ZNF488: variants seen among roughly 807,000 people sequenced by gnomAD.
ZNF488 encodes zinc finger protein 488.
ZNF488 carries 1 observed loss-of-function variant against 1.2 expected under a neutral mutation model. The observed-to-expected ratio is 0.86, with a 90% CI of 0.30 to 4.07. ZNF488 has a LOEUF of 4.07. Ranked by LOEUF, ZNF488 falls within the 30% of genes most tolerant of loss-of-function variation. The pLI, the probability that ZNF488 is intolerant of heterozygous loss-of-function variation, is 0.18. For synonymous variants in ZNF488, 185 were observed against 190.1 expected, an observed-to-expected ratio of 0.97 and a Z score of 0.22; for missense variants, 450 against 437.9, an observed-to-expected ratio of 1.03 and a Z score of -0.25.
intron 1 of ZNF488, among the ~76,000 whole-genome samples, chr10:47,372,890 G>T (rs1339975006): frequency 6.6e-6 from 1 of 152,214 alleles, no homozygotes; most frequent in African/African-American, 2.4e-5. Context: ...CCTCATGTGT[G>T]TCCAGAGCTC....
In ZNF488 at chr10:47,367,018, G is replaced by A. The variant is rs1555212879; in HGVS notation, c.*789C>T. ...TTGGGCCTGGTCCTGCCACTTGTAT[G>A]GGCTGAGAGGACATTGGCAATGTGA... On this transcript the variant is annotated 3_prime_UTR_variant, in exon 2 of 2. Coordinates refer to ENST00000585316, the MANE Select transcript of ZNF488 (RefSeq NM_153034.4). The A allele has an allele frequency of 6.0e-6, 1 of 167,036 alleles. No individual in the cohort carries two copies. The allele number at this position is 167,036 out of a possible 1,614,324, so 10.3% of individuals were successfully genotyped here.
In ZNF488 at chr10:47,382,776, C is replaced by T. The variant is rs571366362; in HGVS notation, c.-109+1444G>A. ...TGTTTAATTCTGTGTGATTTATCTA[C>T]GGCCAAATTTCCATTTCTGTATCAA... On this transcript the variant is annotated intron_variant, in intron 1 of 1. Transcript: ENST00000585316. 2.0e-4 allele frequency among the ~76,000 whole-genome samples: 30 copies of T among 152,272 alleles called. 2 individuals are homozygous for T. The East Asian group carries it at 4.2e-3, about 22-fold the overall frequency.
chr10:47,375,320 C>T (rs573097098), intron 1 of ZNF488, among the ~76,000 whole-genome samples: 16 of 152,254 alleles, frequency 1.1e-4, no homozygotes, highest in African/African-American at 2.2e-4. Context: ...CCATTGCCTA[C>T]GCTGTGGACG....
chr10:47,383,069 C>T (rs1555215740), intron 1 of ZNF488, among the ~76,000 whole-genome samples: 1 of 152,070 alleles, frequency 6.6e-6, no homozygotes, highest in African/African-American at 2.4e-5. Flanking sequence ...AAAAAATTGC[C>T]TCGATATAGT....
chr10:47,376,039 G>A (rs553532776), intron 1 of ZNF488, among the ~76,000 whole-genome samples: 1 of 152,332 alleles, frequency 6.6e-6, no homozygotes, highest in South Asian at 2.1e-4. Flanking sequence ...TATCTCTTAG[G>A]GGAGACAGTC....
In ZNF488 at chr10:47,367,676, C is replaced by G; in HGVS notation, c.*131G>C. ...GTGGCTTTTTCAAATTATGCCTGAG[C>G]TGTTTATCTATGAATGCCAAAAGCA... On this transcript the variant is annotated 3_prime_UTR_variant, in exon 2 of 2. Coordinates refer to ENST00000585316, the MANE Select transcript of ZNF488 (RefSeq NM_153034.4). The G allele has an allele frequency of 9.9e-7, 1 of 1,006,720 alleles. No homozygotes were observed. Among genetic ancestry groups the G allele is most frequent in the East Asian group, 2.5e-5 (1 of 39,352 alleles). The allele number at this position is 1,006,720 out of a possible 1,614,324, so 62.4% of individuals were successfully genotyped here. A position where few individuals can be genotyped will look rare whatever the true frequency, so the allele number is the denominator to read the frequency against.
chr10:47,370,288 C>A lies in ZNF488; in HGVS notation c.-108-1351G>T, dbSNP rs193282978. ...AGCTGTAGCAGAAGGGTATGCTTTG[C>A]TTTCCAACTCTGATGTAAAATCAAA... On this transcript the variant is annotated intron_variant, in intron 1 of 1. Transcript: ENST00000585316. Among the ~76,000 whole-genome samples the A allele has an allele frequency of 9.6e-4, 147 of 152,376 alleles. 3 individuals are homozygous for A. Among genetic ancestry groups the A allele is most frequent in the Non-Finnish European group, 1.6e-4 (11 of 68,036 alleles).
chr10:47,375,908 A>G (rs1304382478), intron 1 of ZNF488, among the ~76,000 whole-genome samples: 1 of 152,212 alleles, frequency 6.6e-6, no homozygotes, highest in African/African-American at 2.4e-5. Flanking sequence ...AAGAGAGGGC[A>G]GAAAGAACGG....
At chr10:47,373,041 G>T (rs1458883289) in intron 1 of ZNF488, among the ~76,000 whole-genome samples, 12 of 152,118 alleles carry the variant, frequency 7.9e-5, no homozygotes, top group African/African-American at 2.9e-4. Context: ...ACTCTGCCTT[G>T]GCGTGTCATG....
rs1236666945 is a variant in ZNF488, at chr10:47,383,631, G to T, written c.-109+589C>A. Among the ~76,000 whole-genome samples the T allele has an allele frequency of 2.6e-5, 4 of 152,300 alleles. No individual in the cohort carries two copies. In the East Asian group the frequency reaches 5.8e-4, roughly 22 times the overall value. ...AAACTCATTATAATGTGATCATTTG[G>T]TATTGTTTTGTTTCCCAGGAAAGGC... is the stretch of plus-strand genomic sequence containing the variant. On this transcript the variant is annotated intron_variant, in intron 1 of 1. Coordinates refer to ENST00000585316, the MANE Select transcript of ZNF488 (RefSeq NM_153034.4).
At position 47,368,196 on chromosome 10, in the gene ZNF488, G is replaced by A. The variant is rs782057338; in HGVS notation, c.634C>T (p.Leu212Phe). ...ACWGRLSTPK[L>F]LVGDLWNLQA... is the part of the protein sequence containing the mutation. ...AAGTTCCACAAATCACCAACCAAAA[G>A]CTTGGGAGTTGAAAGTCGACCCCAA... The change falls in exon 2 of 2, where the codon CTT becomes TTT. Residue 212 changes from leucine to phenylalanine, a missense_variant. Coordinates refer to ENST00000585316, the MANE Select transcript of ZNF488 (RefSeq NM_153034.4). 1 of 1,614,188 alleles carries A rather than the reference G, an allele frequency of 6.2e-7. No homozygotes were observed. The highest frequency in any genetic ancestry group is 1.7e-5 in the Admixed American group (1 of 60,026).
intron 1 of ZNF488, among the ~76,000 whole-genome samples, chr10:47,383,200 A>C (rs1555215755): frequency 6.6e-6 from 1 of 152,270 alleles, no homozygotes; most frequent in Non-Finnish European, 1.5e-5. Context: ...TCTAATGTAC[A>C]TAAAATCATT....
intron 1 of ZNF488, among the ~76,000 whole-genome samples, chr10:47,370,245 G>A (rs782034681): frequency 1.3e-5 from 2 of 152,256 alleles, no homozygotes; most frequent in Non-Finnish European, 1.5e-5. Context: ...TAGCTCAGGC[G>A]CAGGTGGGGA....
chr10:47,380,681 C>CTGTCTCTCTGT (rs372477445), intron 1 of ZNF488, among the ~76,000 whole-genome samples: 1 of 148,578 alleles, frequency 6.7e-6, no homozygotes, highest in Non-Finnish European at 1.5e-5. Flanking sequence ...CCCACATTAT[C>CTGTCTCTCTGT]ACCTTGACCA....
chr10:47,383,196 G>A (rs1838048983), intron 1 of ZNF488, among the ~76,000 whole-genome samples: 1 of 152,136 alleles, frequency 6.6e-6, no homozygotes, highest in African/African-American at 2.4e-5. Context: ...CCTATCTAAT[G>A]TACATAAAAT....
In ZNF488 at chr10:47,367,650, T is replaced by C. The variant is rs57115459; in HGVS notation, c.*157A>G. The C allele has an allele frequency of 6.2e-4, 494 of 792,254 alleles. 5 individuals carry two copies. In the African/African-American group the frequency reaches 8.1e-3, roughly 13 times the overall value. 49.1% of individuals were successfully genotyped at this position (792,254 alleles called of 1,614,324 possible). On this transcript the variant is annotated 3_prime_UTR_variant, in exon 2 of 2. Transcript: ENST00000585316. The stretch of plus-strand genomic sequence containing the variant: ...TTTCCTTCAAAACACATCATGCAGG[T>C]GTGGCTTTTTCAAATTATGCCTGAG...
rs1588873543 is a variant in ZNF488 at position 47,368,026 on chromosome 10, G to A, written c.804C>T (p.Ser268=). The part of the protein sequence containing the change: ...SWALLPPTLT[S]LGLSTQNWCA... ...ACCAGTTCTGGGTGGACAAGCCCAG[G>A]GAGGTGAGGGTGGGTGGCAGGAGGG... Residue 268 remains serine, a synonymous_variant, in exon 2 of 2, where the codon TCC becomes TCT. Coordinates refer to ENST00000585316, the MANE Select transcript of ZNF488 (RefSeq NM_153034.4). 1 of 1,614,188 alleles carries A rather than the reference G, an allele frequency of 6.2e-7. No homozygotes were observed. The highest frequency in any genetic ancestry group is 8.5e-7 in the Non-Finnish European group (1 of 1,180,038).
rs1221499822 is a variant in ZNF488, at chr10:47,365,496, T to C, written c.*2311A>G. The C allele has an allele frequency of 4.8e-5, 8 of 166,710 alleles. No homozygotes were observed. Among genetic ancestry groups the C allele is most frequent in the African/African-American group, 1.9e-4 (8 of 41,426 alleles). 10.3% of individuals were successfully genotyped at this position (166,710 alleles called of 1,614,324 possible). On this transcript the variant is annotated 3_prime_UTR_variant, in exon 2 of 2. Transcript: ENST00000585316. Reference sequence around the variant, plus strand: ...TCAGACCCAGCTTCTCACACAGAAATTATTTCCACAATATTTATTATGCAC... The same window carrying C: ...TCAGACCCAGCTTCTCACACAGAAACTATTTCCACAATATTTATTATGCAC...
rs1314853653 is a variant in ZNF488 at position 47,366,858 on chromosome 10, A to G, written c.*949T>C. 1 of 167,028 alleles carries G rather than the reference A, an allele frequency of 6.0e-6. No homozygotes were observed. The highest frequency in any genetic ancestry group is 2.4e-5 in the African/African-American group (1 of 41,436). The allele number at this position is 167,028 out of a possible 1,614,324, so 10.3% of individuals were successfully genotyped here. On this transcript the variant is annotated 3_prime_UTR_variant, in exon 2 of 2. Coordinates refer to ENST00000585316, the MANE Select transcript of ZNF488 (RefSeq NM_153034.4). ...TATTTCCCCGTATTCATATACTCAC[A>G]ATGTGAAGAACTATGGACCAGGTAT...
Sources: gnomAD v4.1 joint callset for allele counts (sites outside exome capture counted in the v4.1 genomes callset) on GRCh38, gnomAD v4.1.1 for gene constraint, MANE v1.5 for transcripts, NCBI Gene and HGNC (gene_info 2026-07-23, HGNC 2026-07-21) for gene names.